The following EYA1 variants were observed in gnomAD, a reference collection of about 807,000 sequenced individuals.
EYA1 encodes the protein EYA transcriptional coactivator and phosphatase 1.
Under a neutral mutation model 82.0 loss-of-function variants are expected in EYA1, and 16 were observed. The observed-to-expected ratio is 0.20, with a 90% CI of 0.13 to 0.30. EYA1 has a LOEUF of 0.30. Ranked by LOEUF, EYA1 falls within the 10% of genes least tolerant of loss-of-function variation. The pLI is 1.00. For synonymous variants in EYA1, 261 were observed against 264.4 expected, an observed-to-expected ratio of 0.99 and a Z score of 0.12; for missense variants, 633 against 730.7, an observed-to-expected ratio of 0.87 and a Z score of 1.54.
At position 71,321,725 on chromosome 8, in the gene EYA1, G is replaced by T. The variant is rs1586352673; in HGVS notation, c.418+9C>A. ...GATAACGCCACCACTACAGTTGCAG[G>T]TTACTCACCATATGAGGAAATGCCG... is the stretch of plus-strand genomic sequence containing the variant. On this transcript the variant is annotated intron_variant, in intron 6 of 17. Coordinates refer to ENST00000340726, the MANE Select transcript of EYA1 (RefSeq NM_000503.6). 1 of 1,613,802 alleles carries T rather than the reference G, an allele frequency of 6.2e-7. No homozygotes were observed. The highest frequency in any genetic ancestry group is 8.5e-7 in the Non-Finnish European group (1 of 1,179,796).
At chr8:71,438,040 G>A (rs1806134877) in intron 2 of EYA1, among the ~76,000 whole-genome samples, 1 of 152,114 alleles carries the variant, frequency 6.6e-6, no homozygotes, top group South Asian at 2.1e-4. Flanking sequence ...TGCATGAAGA[G>A]TTCCAGAAAC....
At chr8:71,201,413 T>G (rs955988862) in intron 17 of EYA1, among the ~76,000 whole-genome samples, 1 of 151,990 alleles carries the variant, frequency 6.6e-6, no homozygotes, top group Non-Finnish European at 1.5e-5. Context: ...ATCAGCACCA[T>G]AGCACAGGTT....
At chr8:71,236,468 TCTTAAAACAA>T in intron 12 of EYA1, among the ~76,000 whole-genome samples, 1 of 152,354 alleles carries the variant, frequency 6.6e-6, no homozygotes, top group East Asian at 1.9e-4. Flanking sequence ...CAATAAATTG[TCTTAAAACAA>T]GTTTTATGAG....
At chr8:71,343,268 A>G (rs1825348122) in intron 3 of EYA1, among the ~76,000 whole-genome samples, 1 of 152,088 alleles carries the variant, frequency 6.6e-6, no homozygotes, top group South Asian at 2.1e-4. Flanking sequence ...TATATTCCCC[A>G]AGTGCTTTCT....
intron 12 of EYA1, among the ~76,000 whole-genome samples, chr8:71,226,802 G>A (rs1043260309): frequency 4.6e-5 from 7 of 151,238 alleles, no homozygotes; most frequent in African/African-American, 1.5e-4. Context: ...TACAAGATCC[G>A]TCTTTTATTA....
At chr8:71,396,015 C>G (rs571739381) in intron 2 of EYA1, among the ~76,000 whole-genome samples, 9 of 152,206 alleles carry the variant, frequency 5.9e-5, no homozygotes, top group Admixed American at 3.3e-4. Flanking sequence ...CTGGTTTAGT[C>G]TTGGGAGGGT....
intron 12 of EYA1, among the ~76,000 whole-genome samples, chr8:71,221,007 A>G (rs180693800): frequency 1.3e-5 from 2 of 152,364 alleles, no homozygotes; most frequent in East Asian, 1.9e-4. Context: ...ACTACACGTG[A>G]TAATTAAAAT....
intron 9 of EYA1, among the ~76,000 whole-genome samples, chr8:71,294,646 C>T (rs1819404255): frequency 6.6e-6 from 1 of 152,144 alleles, no homozygotes; most frequent in African/African-American, 2.4e-5. Flanking sequence ...TCAATATTGT[C>T]AAGACATCAG....
intron 2 of EYA1, among the ~76,000 whole-genome samples, chr8:71,458,857 A>G (rs906025609): frequency 6.6e-6 from 1 of 152,182 alleles, no homozygotes; most frequent in Admixed American, 6.6e-5. Flanking sequence ...ATACAGCTCA[A>G]AGGCAAGAAG....
At chr8:71,513,314 T>G (rs1012616367) in intron 2 of EYA1, among the ~76,000 whole-genome samples, 2 of 152,170 alleles carry the variant, frequency 1.3e-5, no homozygotes, top group Admixed American at 6.6e-5. Context: ...CAAAAGATTA[T>G]AACTTAAAAA....
In EYA1 at chr8:71,299,660, G is replaced by T; in HGVS notation, c.617C>A (p.Ser206Tyr). The change falls in exon 8 of 18, where the codon TCT becomes TAT. Residue 206 changes from serine (S) to tyrosine (Y), a missense_variant. Coordinates refer to ENST00000340726, the MANE Select transcript of EYA1 (RefSeq NM_000503.6). ...TACCTGCTGTGAACTATTAAATCCA[G>T]AGGAATTTGTGAGTGAATTATTTCC... is the stretch of plus-strand genomic sequence containing the variant. ...YTGNNSLTNSSGFNSSQQDYP... is the reference protein window; with the variant it reads ...YTGNNSLTNSYGFNSSQQDYP... 1 of 1,591,452 alleles carries T rather than the reference G, an allele frequency of 6.3e-7. No homozygotes were observed. Among genetic ancestry groups the T allele is most frequent in the Non-Finnish European group, 8.6e-7 (1 of 1,160,232 alleles).
rs1253249669 is a variant in EYA1 at position 71,197,461 on chromosome 8, A to AACTT, written c.*1875_*1878dup. 6.6e-6 allele frequency: 1 copy of AACTT among 152,628 alleles called. No homozygotes were observed. Among genetic ancestry groups the AACTT allele is most frequent in the Non-Finnish European group, 1.5e-5 (1 of 68,028 alleles). 9.5% of individuals were successfully genotyped at this position (152,628 alleles called of 1,614,324 possible). On this transcript the variant is annotated 3_prime_UTR_variant, in exon 18 of 18. Transcript: ENST00000340726. ...CAGTACATCACAAATAAATTTTATTAACTTAAACACAAAATTAATGAAGAA... is the reference window on the plus strand; with the variant it reads ...CAGTACATCACAAATAAATTTTATTAACTTACTTAAACACAAAATTAATGAAGAA...
Position 71,488,222 on chromosome 8 carries a change from TA to T in EYA1, c.33+47521del, listed in dbSNP as rs1263216118. ...ATAAAGGATAAATATACATCAATGA[TA>T]TAAAGGATAAATATACATCATGATA... On this transcript the variant is annotated intron_variant, in intron 2 of 18. Coordinates refer to the EYA1 transcript ENST00000643681. Among the ~76,000 whole-genome samples, 8 of 151,698 alleles carry T rather than the reference TA, an allele frequency of 5.3e-5. No individual in the cohort carries two copies. In the East Asian group the frequency reaches 1.6e-3, roughly 29 times the overall value.
chr8:71,407,480 T>A (rs1446332525), intron 2 of EYA1, among the ~76,000 whole-genome samples: 2 of 150,132 alleles, frequency 1.3e-5, no homozygotes, highest in Admixed American at 6.7e-5. Context: ...CTTAAAAAAA[T>A]TTAGAAGAAT....
intron 7 of EYA1, among the ~76,000 whole-genome samples, chr8:71,314,251 C>T (rs867049202): frequency 3.3e-5 from 5 of 152,130 alleles, no homozygotes; most frequent in Middle Eastern, 6.8e-3. Context: ...AACAGACTCC[C>T]GCAACTAGGT....
At chr8:71,205,381 C>T (rs1409898510) in intron 17 of EYA1, among the ~76,000 whole-genome samples, 1 of 151,778 alleles carries the variant, frequency 6.6e-6, no homozygotes, top group African/African-American at 2.4e-5. Context: ...CATTTTCTCT[C>T]AAGCCATGTT....
At chr8:71,325,950 C>T (rs898830943) in intron 4 of EYA1, among the ~76,000 whole-genome samples, 1 of 152,166 alleles carries the variant, frequency 6.6e-6, no homozygotes, top group South Asian at 2.1e-4. Context: ...TTTAATTTCA[C>T]AGGACCAAAA....
At chr8:71,426,794 T>C (rs1465268537) in intron 2 of EYA1, among the ~76,000 whole-genome samples, 2 of 152,238 alleles carry the variant, frequency 1.3e-5, no homozygotes, top group African/African-American at 4.8e-5. Context: ...GGTTGAACTC[T>C]TTGTTATTAG....
chr8:71,357,188 T>G (rs1188472887), intron 1 of EYA1, among the ~76,000 whole-genome samples: 1 of 152,268 alleles, frequency 6.6e-6, no homozygotes, highest in African/African-American at 2.4e-5. Context: ...CAATGGGTTC[T>G]TATCAGTTCT....
Sources: gnomAD v4.1 joint callset for allele counts (sites outside exome capture counted in the v4.1 genomes callset) on GRCh38, gnomAD v4.1.1 for gene constraint, MANE v1.5 for transcripts, NCBI Gene and HGNC (gene_info 2026-07-23, HGNC 2026-07-21) for gene names.